The following TLK1 variants were observed in gnomAD, a reference collection of about 807,000 sequenced individuals.
The protein encoded by TLK1 is serine/threonine-protein kinase tousled-like 1.
In TLK1, 24 loss-of-function variants were observed where a neutral mutation model predicts 105.3. That is an observed-to-expected ratio of 0.23 (90% CI 0.17 to 0.32). The LOEUF is 0.32. Ranked by LOEUF, TLK1 falls within the 10% of genes least tolerant of loss-of-function variation. The pLI, the probability that TLK1 is intolerant of heterozygous loss-of-function variation, is 1.00. For synonymous variants in TLK1, 321 were observed against 310.4 expected (o/e 1.03, Z -0.36); for missense variants, 558 against 910.5 (o/e 0.61, Z 4.98).
In TLK1 at chr2:171,160,254, A is replaced by T. The variant is rs1170403922; in HGVS notation, c.139+36T>A. ...GCGGGGGTCCGCGGCGCGGGAGAGG[A>T]GGCCCGCGAGCGGGCGCGGGCGCGG... On this transcript the variant is annotated intron_variant, in intron 1 of 20. Transcript: ENST00000431350. The surrounding 1 kb of genome is among the most constrained non-coding windows in gnomAD (Gnocchi z 4.4). The T allele has an allele frequency of 1.4e-6, 2 of 1,431,174 alleles. No individual in the cohort carries two copies. Among genetic ancestry groups the T allele is most frequent in the East Asian group, 2.9e-5 (1 of 34,020 alleles). The allele number at this position is 1,431,174 out of a possible 1,614,324, so 88.7% of individuals were successfully genotyped here.
intron 8 of TLK1, among the ~76,000 whole-genome samples, chr2:171,052,222 G>A (rs1687275518): frequency 6.6e-6 from 1 of 152,104 alleles, no homozygotes; most frequent in African/African-American, 2.4e-5. Flanking sequence ...ATCCCCCACT[G>A]TGCTCTAGCC....
intron 1 of TLK1, among the ~76,000 whole-genome samples, chr2:171,214,668 G>A (rs751962576): frequency 6.6e-6 from 1 of 152,222 alleles, no homozygotes; most frequent in Admixed American, 6.5e-5. Flanking sequence ...CAGGTGATGC[G>A]AAGTTGCTGG....
At chr2:171,129,939 T>C (rs912992800) in intron 1 of TLK1, among the ~76,000 whole-genome samples, 1 of 152,216 alleles carries the variant, frequency 6.6e-6, no homozygotes, top group Admixed American at 6.5e-5. Context: ...CAACCTATTA[T>C]TTCATCAACA....
chr2:171,048,774 A>C (rs918935103), intron 10 of TLK1, among the ~76,000 whole-genome samples: 14 of 152,208 alleles, frequency 9.2e-5, no homozygotes, highest in African/African-American at 2.9e-4. Flanking sequence ...TTTGAACAGC[A>C]ATGTTGGTGT....
intron 1 of TLK1, among the ~76,000 whole-genome samples, chr2:171,220,816 C>T (rs1344677649): frequency 6.6e-6 from 1 of 151,950 alleles, no homozygotes; most frequent in South Asian, 2.1e-4. Flanking sequence ...GCCCCTCTCA[C>T]CCCCTAAAAA....
chr2:171,154,929 CTAAAAA>C (rs983658125), intron 1 of TLK1, among the ~76,000 whole-genome samples: 3 of 151,992 alleles, frequency 2.0e-5, no homozygotes, highest in Non-Finnish European at 4.4e-5. Flanking sequence ...TTCCCACCAC[CTAAAAA>C]TCCAACTCAC....
At position 170,991,619 on chromosome 2, in the gene TLK1, G is replaced by A. The variant is rs1683787881; in HGVS notation, c.*2161C>T. The A allele has an allele frequency of 6.6e-6, 1 of 152,150 alleles. No homozygotes were observed. The highest frequency in any genetic ancestry group is 1.5e-5 in the Non-Finnish European group (1 of 68,044). The allele number at this position is 152,150 out of a possible 1,614,324, so 9.4% of individuals were successfully genotyped here. A position where few individuals can be genotyped will look rare whatever the true frequency, so the allele number is the denominator to read the frequency against. ...CCTTTTCTGCGTTCTGCCACTAGCA[G>A]TCGCTCTCATTCATTTGAAAGTAAA... On this transcript the variant is annotated 3_prime_UTR_variant, in exon 21 of 21. Coordinates refer to ENST00000431350, the MANE Select transcript of TLK1 (RefSeq NM_012290.5).
chr2:171,012,180 C>T (rs1026675006), intron 13 of TLK1, among the ~76,000 whole-genome samples: 4 of 152,038 alleles, frequency 2.6e-5, no homozygotes, highest in African/African-American at 9.7e-5. Flanking sequence ...AATGTCATGT[C>T]AGTGCTCAAA....
At chr2:171,206,705 T>C (rs1312530503) in intron 1 of TLK1, among the ~76,000 whole-genome samples, 1 of 152,224 alleles carries the variant, frequency 6.6e-6, no homozygotes, top group Non-Finnish European at 1.5e-5. Flanking sequence ...GGACTGGACA[T>C]GAAAAGTCCC....
intron 1 of TLK1, among the ~76,000 whole-genome samples, chr2:171,118,485 C>G (rs1398437820): frequency 6.6e-6 from 1 of 152,022 alleles, no homozygotes; most frequent in African/African-American, 2.4e-5. Flanking sequence ...TTTTAAGTTT[C>G]CATCAGGTAA....
At chr2:171,052,412 T>C (rs1687285582) in intron 8 of TLK1, among the ~76,000 whole-genome samples, 1 of 152,342 alleles carries the variant, frequency 6.6e-6, no homozygotes, top group African/African-American at 2.4e-5. Flanking sequence ...TGAAGACATG[T>C]ACAAAGAATG....
At chr2:171,132,096 G>A (rs1691126817) in intron 1 of TLK1, among the ~76,000 whole-genome samples, 1 of 152,028 alleles carries the variant, frequency 6.6e-6, no homozygotes, top group Admixed American at 6.6e-5. Flanking sequence ...CCTGAGACTG[G>A]GTAATTATAA....
At chr2:171,183,775 A>G (rs1425816911) in intron 1 of TLK1, among the ~76,000 whole-genome samples, 3 of 152,102 alleles carry the variant, frequency 2.0e-5, no homozygotes. Flanking sequence ...ACATTTTTTC[A>G]TACTTTGTTA....
In TLK1 at chr2:171,088,310, C is replaced by T. The variant is rs948400492; in HGVS notation, c.259-5458G>A. On this transcript the variant is annotated intron_variant, in intron 2 of 20. Coordinates refer to ENST00000431350, the MANE Select transcript of TLK1 (RefSeq NM_012290.5). ...CAGTGCCACTGCGCTCCACCCTGAGCGACTGAGACCCTGTATCAAAAACAC... is the reference window on the plus strand; with the variant it reads ...CAGTGCCACTGCGCTCCACCCTGAGTGACTGAGACCCTGTATCAAAAACAC... Among the ~76,000 whole-genome samples, 5 of 152,078 alleles carry T rather than the reference C, an allele frequency of 3.3e-5. No individual in the cohort carries two copies. The South Asian group carries it at 6.3e-4, about 19-fold the overall frequency.
intron 1 of TLK1, among the ~76,000 whole-genome samples, chr2:171,172,884 A>G (rs1273217975): frequency 3.9e-5 from 6 of 152,218 alleles, no homozygotes; most frequent in Non-Finnish European, 8.8e-5. Context: ...GAGAAAACAG[A>G]CTAATACTCT....
intron 1 of TLK1, among the ~76,000 whole-genome samples, chr2:171,147,577 T>C (rs889375270): frequency 6.6e-6 from 1 of 152,120 alleles, no homozygotes; most frequent in South Asian, 2.1e-4. Flanking sequence ...GTGGATATAA[T>C]GATACTTTAG....
chr2:171,108,764 C>T (rs111375984), intron 2 of TLK1, among the ~76,000 whole-genome samples: 24 of 152,052 alleles, frequency 1.6e-4, no homozygotes, highest in Middle Eastern at 3.4e-3. Context: ...CCACCACGCC[C>T]GGCTAATGTT....
intron 11 of TLK1, among the ~76,000 whole-genome samples, chr2:171,035,303 C>G (rs1388490934): frequency 1.3e-5 from 2 of 151,760 alleles, no homozygotes; most frequent in African/African-American, 2.4e-5. Flanking sequence ...GATCTTGACA[C>G]TGTACTCCAG....
intron 2 of TLK1, among the ~76,000 whole-genome samples, chr2:171,099,051 T>C (rs1689579487): frequency 6.6e-6 from 1 of 152,148 alleles, no homozygotes; most frequent in South Asian, 2.1e-4. Context: ...CAGTTCAACA[T>C]TGTATTGGAT....
Sources: gnomAD v4.1 joint callset for allele counts (sites outside exome capture counted in the v4.1 genomes callset) on GRCh38, gnomAD v4.1.1 for gene constraint, Gnocchi (gnomAD v3.1) non-coding constraint, MANE v1.5 for transcripts, NCBI Gene and HGNC (gene_info 2026-07-23, HGNC 2026-07-21) for gene names.